Variants in FGF12 observed in about 807,000 individuals in gnomAD.
FGF12 encodes the protein fibroblast growth factor 12.
Under a neutral mutation model 23.6 loss-of-function variants are expected in FGF12, and 14 were observed. The observed-to-expected ratio is 0.59, with a 90% confidence interval of 0.39 to 0.93. The LOEUF (loss-of-function observed/expected upper bound fraction) is 0.93, where lower values mean the gene tolerates loss of function less well. Among genes scored for constraint, FGF12 ranks in the 40% least tolerant of loss-of-function variants. FGF12 has a pLI of 0.00. For synonymous variants in FGF12, 62 were observed against 77.3 expected, an observed-to-expected ratio of 0.80 and a Z score of 1.04; for missense variants, 175 against 217.8, an observed-to-expected ratio of 0.80 and a Z score of 1.24.
At chr3:192,543,985 C>T (rs973173768) in intron 2 of FGF12, among the ~76,000 whole-genome samples, 9 of 152,142 alleles carry the variant, frequency 5.9e-5, no homozygotes, top group South Asian at 2.1e-4. Context: ...GGCTGGGGAA[C>T]GGATAGTGCA....
At chr3:192,524,608 T>TA (rs900345597) in intron 2 of FGF12, among the ~76,000 whole-genome samples, 2 of 152,212 alleles carry the variant, frequency 1.3e-5, no homozygotes, top group Non-Finnish European at 2.9e-5. Flanking sequence ...AGGTGATTGT[T>TA]ATGCTCACAA....
intron 2 of FGF12, among the ~76,000 whole-genome samples, chr3:192,363,696 T>A (rs1421685278): frequency 6.6e-6 from 1 of 152,134 alleles, no homozygotes; most frequent in Non-Finnish European, 1.5e-5. Flanking sequence ...CAGCTCAACA[T>A]CACCTTCTCC....
At chr3:192,715,413 T>C (rs1302222451) in intron 2 of FGF12, among the ~76,000 whole-genome samples, 1 of 152,196 alleles carries the variant, frequency 6.6e-6, no homozygotes, top group African/African-American at 2.4e-5. Flanking sequence ...CCATTAATCT[T>C]CTCCTGGCTA....
intron 2 of FGF12, among the ~76,000 whole-genome samples, chr3:192,601,476 T>C (rs970203781): frequency 2.0e-5 from 3 of 152,168 alleles, no homozygotes; most frequent in Admixed American, 2.0e-4. Flanking sequence ...ATGTTTGAGA[T>C]AATGGATATC....
At chr3:192,554,125 T>G (rs1711654061) in intron 2 of FGF12, among the ~76,000 whole-genome samples, 3 of 152,210 alleles carry the variant, frequency 2.0e-5, no homozygotes, top group Admixed American at 2.0e-4. Context: ...ATACTCTATG[T>G]ACTTGCAAGG....
intron 4 of FGF12, among the ~76,000 whole-genome samples, chr3:192,170,983 T>C (rs1226438409): frequency 1.3e-5 from 2 of 152,198 alleles, no homozygotes; most frequent in Admixed American, 1.3e-4. Context: ...ATTCCTCATT[T>C]ACTCACCCTT....
rs553513258 is a variant in FGF12 at position 192,403,820 on chromosome 3, G to A, written c.14-43282C>T. Among the ~76,000 whole-genome samples the A allele has an allele frequency of 4.0e-4, 60 of 151,836 alleles. 2 individuals carry two copies. In the South Asian group the frequency reaches 0.01, roughly 26 times the overall value. On this transcript the variant is annotated intron_variant, in intron 2 of 5. Transcript: ENST00000445105. ...TCTTCTTGAAGTTTCTATTTCCTAC[G>A]ATATTTTCTTCCTCTATGCAAAAGG... is the stretch of plus-strand genomic sequence containing the variant.
At chr3:192,208,720 G>T (rs570226949) in intron 4 of FGF12, among the ~76,000 whole-genome samples, 92 of 152,300 alleles carry the variant, frequency 6.0e-4, no homozygotes, top group Non-Finnish European at 1.2e-3. Flanking sequence ...TTTGAGGAAT[G>T]CTTTCAGAGC....
chr3:192,238,480 T>G (rs1719423134), intron 4 of FGF12: 1 of 152,128 alleles, frequency 6.6e-6, no homozygotes, highest in South Asian at 2.1e-4. Flanking sequence ...AATGGGTGGA[T>G]GCATAATGGT....
At chr3:192,167,771 A>ATTTTTTTTTTTTT (rs1560175808) in intron 5 of FGF12, among the ~76,000 whole-genome samples, 2 of 21,312 alleles carry the variant, frequency 9.4e-5, no homozygotes, top group African/African-American at 3.4e-4. Flanking sequence ...ATATATATAA[A>ATTTTTTTTTTTTT]ATTTTTTTTT....
At chr3:192,315,399 A>G (rs965463514) in intron 4 of FGF12, among the ~76,000 whole-genome samples, 2 of 152,096 alleles carry the variant, frequency 1.3e-5, no homozygotes, top group African/African-American at 4.8e-5. Flanking sequence ...TCAAATTTCT[A>G]CTGAAAAATC....
intron 4 of FGF12, among the ~76,000 whole-genome samples, chr3:192,307,843 T>A (rs1362570264): frequency 6.6e-6 from 1 of 152,208 alleles, no homozygotes; most frequent in Non-Finnish European, 1.5e-5. Context: ...GAGTTTGGAA[T>A]GTGGCCAATT....
At chr3:192,726,152 C>T (rs1298634049) in intron 2 of FGF12, among the ~76,000 whole-genome samples, 1 of 152,196 alleles carries the variant, frequency 6.6e-6, no homozygotes, top group Non-Finnish European at 1.5e-5. Context: ...TAACTCACCA[C>T]CATTCCCTGA....
rs370822098 is a variant in FGF12, at chr3:192,555,901, A to G, written c.13+171280T>C. Among the ~76,000 whole-genome samples, 4 of 152,170 alleles carry G rather than the reference A, an allele frequency of 2.6e-5. No individual in the cohort carries two copies. In the East Asian group the frequency reaches 5.8e-4, roughly 22 times the overall value. On this transcript the variant is annotated intron_variant, in intron 2 of 5. Transcript: ENST00000445105. ...CTGATACCATGGGGAGGAGACGTAA[A>G]GGGCAGTTTTTGTGTACAATTGAAA... is the stretch of plus-strand genomic sequence containing the variant.
chr3:192,145,828 T>C (rs1161992756), intron 5 of FGF12, among the ~76,000 whole-genome samples: 1 of 152,232 alleles, frequency 6.6e-6, no homozygotes, highest in Non-Finnish European at 1.5e-5. Context: ...GTCTTTCTTC[T>C]TCTTTTTTTG....
chr3:192,280,617 ATAT>A (rs920630498), intron 4 of FGF12, among the ~76,000 whole-genome samples: 73 of 152,120 alleles, frequency 4.8e-4, no homozygotes, highest in African/African-American at 1.7e-3. Flanking sequence ...TACATTTATG[ATAT>A]TATTTTTTTC....
chr3:192,260,121 C>T (rs969080167), intron 4 of FGF12, among the ~76,000 whole-genome samples: 1 of 152,122 alleles, frequency 6.6e-6, no homozygotes, highest in African/African-American at 2.4e-5. Flanking sequence ...AATCTCCAAA[C>T]CAAAATCATC....
At chr3:192,607,652 A>G (rs1714387985) in intron 2 of FGF12, among the ~76,000 whole-genome samples, 1 of 152,130 alleles carries the variant, frequency 6.6e-6, no homozygotes, top group Non-Finnish European at 1.5e-5. Context: ...TTTTAAAAAT[A>G]CAATGATTAT....
At chr3:192,522,837 A>T (rs1724855991) in intron 2 of FGF12, among the ~76,000 whole-genome samples, 2 of 152,316 alleles carry the variant, frequency 1.3e-5, no homozygotes, top group Middle Eastern at 6.8e-3. Context: ...GTTTGCCACA[A>T]TTTGTGTAAT....
Sources: gnomAD v4.1 joint callset for allele counts (sites outside exome capture counted in the v4.1 genomes callset) on GRCh38, gnomAD v4.1.1 for gene constraint, MANE v1.5 for transcripts, NCBI Gene and HGNC (gene_info 2026-07-23, HGNC 2026-07-21) for gene names.